CCDC88C: variants seen among roughly 807,000 people sequenced by gnomAD.
CCDC88C encodes the protein protein Daple.
A neutral mutation model predicts 198.8 loss-of-function variants in CCDC88C; 131 were observed. The observed-to-expected ratio is 0.66, with a 90% confidence interval of 0.57 to 0.76. The LOEUF (loss-of-function observed/expected upper bound fraction) is 0.76, where lower values mean the gene tolerates loss of function less well. Ranked by LOEUF, CCDC88C falls within the 30% of genes least tolerant of loss-of-function variation. The pLI is 0.00. For missense variants in CCDC88C, 2,553 were observed against 2,631.6 expected (o/e 0.97, Z 0.65); for synonymous variants, 1,166 against 1,114.7 (o/e 1.05, Z -0.92).
At chr14:91,315,149 G>A (rs1892037530) in intron 14 of CCDC88C, among the ~76,000 whole-genome samples, 1 of 151,998 alleles carries the variant, frequency 6.6e-6, no homozygotes, top group East Asian at 1.9e-4. Flanking sequence ...TGTACCTTAG[G>A]GATGTGCAGC....
rs1223524954 is a variant in CCDC88C, at chr14:91,271,508, T to C, written c.*1117A>G. 1 of 151,450 alleles carries C rather than the reference T, an allele frequency of 6.6e-6. No individual in the cohort carries two copies. Among genetic ancestry groups the C allele is most frequent in the Non-Finnish European group, 1.5e-5 (1 of 67,914 alleles). 9.4% of individuals were successfully genotyped at this position (151,450 alleles called of 1,614,324 possible). ...AAAAAAAAAAATCAATAGGTTTAGT[T>C]CACCCCAGGAAAAGCACCTTTACAA... On this transcript the variant is annotated 3_prime_UTR_variant, in exon 30 of 30. Transcript: ENST00000389857.
chr14:91,289,351 G>A lies in CCDC88C; in HGVS notation c.4203-8C>T. ...CCAATCCAGTGGTTCTTCCTGGTTA[G>A]AAGTAGATGTTTAGGACATAGCCAG... is the stretch of plus-strand genomic sequence containing the variant. On this transcript the variant is annotated splice_polypyrimidine_tract_variant and splice_region_variant and intron_variant, in intron 24 of 29. Coordinates refer to ENST00000389857, the MANE Select transcript of CCDC88C (RefSeq NM_001080414.4). The A allele has an allele frequency of 6.2e-7, 1 of 1,612,646 alleles. No homozygotes were observed. Among genetic ancestry groups the A allele is most frequent in the Non-Finnish European group, 8.5e-7 (1 of 1,178,678 alleles).
intron 3 of CCDC88C, among the ~76,000 whole-genome samples, chr14:91,386,049 C>T (rs773983031): frequency 6.6e-6 from 1 of 152,088 alleles, no homozygotes; most frequent in Non-Finnish European, 1.5e-5. Flanking sequence ...GGCCTCATTA[C>T]CTATCTGTAA....
chr14:91,305,319 G>C (rs1891512149), intron 19 of CCDC88C, among the ~76,000 whole-genome samples: 1 of 152,100 alleles, frequency 6.6e-6, no homozygotes, highest in African/African-American at 2.4e-5. Flanking sequence ...CAACAGTCTG[G>C]GAGCCACTTA....
intron 3 of CCDC88C, among the ~76,000 whole-genome samples, chr14:91,404,487 C>T (rs953976699): frequency 8.5e-5 from 13 of 152,300 alleles, no homozygotes; most frequent in African/African-American, 3.1e-4. Flanking sequence ...GTCAGAATCA[C>T]CTGGGGGCCT....
chr14:91,321,023 GC>G, intron 13 of CCDC88C, 96 bp downstream of exon 13: 1 of 1,163,930 alleles, frequency 8.6e-7, no homozygotes, highest in Admixed American at 2.7e-5. Flanking sequence ...GCTCTACCTG[GC>G]CCCCTCCTTG....
Position 91,336,600 on chromosome 14 carries a change from A to G in CCDC88C, c.1050+1405T>C, listed in dbSNP as rs1893055528. On this transcript the variant is annotated intron_variant, in intron 10 of 29. Transcript: ENST00000389857. ...CAGAGATTCGTGCCTCTCATAACCC[A>G]GAGAGCCAGTGGCCCATCTCCAGGA... Among the ~76,000 whole-genome samples, 10 of 151,892 alleles carry G rather than the reference A, an allele frequency of 6.6e-5. 1 individual carries two copies. The South Asian group carries it at 2.1e-3, about 32-fold the overall frequency.
chr14:91,327,648 G>A (rs1892633916), intron 10 of CCDC88C, among the ~76,000 whole-genome samples: 1 of 152,186 alleles, frequency 6.6e-6, no homozygotes, highest in Admixed American at 6.5e-5. Context: ...CACCCTCGAG[G>A]GGCTTGTGTG....
chr14:91,295,665 G>A (rs944724074), intron 22 of CCDC88C, among the ~76,000 whole-genome samples: 3 of 152,242 alleles, frequency 2.0e-5, no homozygotes, highest in Admixed American at 6.5e-5. Context: ...TGGGCTCCTG[G>A]AGAGAGGCGG....
chr14:91,397,706 G>A lies in CCDC88C; in HGVS notation c.270+10953C>T, dbSNP rs139732183. On this transcript the variant is annotated intron_variant, in intron 3 of 29. Coordinates refer to ENST00000389857, the MANE Select transcript of CCDC88C (RefSeq NM_001080414.4). ...GTTTCAGAGGTGCCTGAAGCAACCC[G>A]GTCCCTTCCTCTGGGCTCCAGGCTG... is the stretch of plus-strand genomic sequence containing the variant. Among the ~76,000 whole-genome samples the A allele has an allele frequency of 1.6e-3, 251 of 152,292 alleles. 3 individuals carry two copies. The highest frequency in any genetic ancestry group is 3.4e-3 in the Middle Eastern group (1 of 294).
intron 2 of CCDC88C, among the ~76,000 whole-genome samples, chr14:91,415,225 G>A (rs576258841): frequency 3.9e-5 from 6 of 152,080 alleles, no homozygotes; most frequent in Non-Finnish European, 7.3e-5. Flanking sequence ...AATATGCCAC[G>A]AGACAGCTTC....
chr14:91,401,275 T>C (rs1886171516), intron 3 of CCDC88C, among the ~76,000 whole-genome samples: 1 of 144,240 alleles, frequency 6.9e-6, no homozygotes, highest in Non-Finnish European at 1.5e-5. Context: ...ATTATATATA[T>C]TATATATTAT....
intron 25 of CCDC88C, 27 bp downstream of exon 25, chr14:91,289,078 G>A (rs759883916): frequency 6.9e-6 from 11 of 1,592,296 alleles, no homozygotes; most frequent in South Asian, 3.3e-5. Flanking sequence ...TTCCTCACCC[G>A]ACCACGGCCA....
intron 27 of CCDC88C, chr14:91,279,901 C>T (rs1280386998): frequency 6.6e-6 from 1 of 152,268 alleles, no homozygotes; most frequent in African/African-American, 2.4e-5. Flanking sequence ...GTGTCATTTG[C>T]CTCAAATTTA....
At chr14:91,319,890 T>C (rs1447376492) in intron 13 of CCDC88C, among the ~76,000 whole-genome samples, 1 of 151,690 alleles carries the variant, frequency 6.6e-6, no homozygotes, top group Non-Finnish European at 1.5e-5. Flanking sequence ...CTGGGTGTGG[T>C]GGTGGGTGCC....
intron 4 of CCDC88C, among the ~76,000 whole-genome samples, chr14:91,347,888 C>T (rs531726805): frequency 1.1e-4 from 16 of 152,242 alleles, no homozygotes; most frequent in South Asian, 8.3e-4. Context: ...TGCACACGTA[C>T]GTTTATAGTG....
intron 27 of CCDC88C, chr14:91,280,018 G>C (rs1890134308): frequency 6.6e-6 from 1 of 152,380 alleles, no homozygotes; most frequent in South Asian, 2.1e-4. Flanking sequence ...CCACCCCACT[G>C]CAGACTTTCA....
chr14:91,365,871 C>T (rs1453847360), intron 3 of CCDC88C, among the ~76,000 whole-genome samples: 1 of 152,014 alleles, frequency 6.6e-6, no homozygotes, highest in Admixed American at 6.5e-5. Flanking sequence ...GCTATGGCCA[C>T]TCATCCCATT....
chr14:91,290,898 G>T, intron 24 of CCDC88C, 97 bp downstream of exon 24: 1 of 712,720 alleles, frequency 1.4e-6, no homozygotes, highest in Non-Finnish European at 2.5e-6. Flanking sequence ...ACAGGTGGAT[G>T]GTGCGGGGCC....
Sources: gnomAD v4.1 joint callset for allele counts (sites outside exome capture counted in the v4.1 genomes callset) on GRCh38, gnomAD v4.1.1 for gene constraint, MANE v1.5 for transcripts, NCBI Gene and HGNC (gene_info 2026-07-23, HGNC 2026-07-21) for gene names.